SLC9A1: variants seen among roughly 807,000 people sequenced by gnomAD.
SLC9A1 encodes the protein sodium/hydrogen exchanger 1.
Under a neutral mutation model 67.9 loss-of-function variants are expected in SLC9A1, and 22 were observed. The ratio of observed to expected loss-of-function variants is 0.32; its 90% CI spans 0.23 to 0.46. The LOEUF (loss-of-function observed/expected upper bound fraction) is 0.46. Among genes scored for constraint, SLC9A1 ranks in the 20% least tolerant of loss-of-function variants. The pLI is 1.00. For synonymous variants in SLC9A1, 421 were observed against 471.8 expected, an observed-to-expected ratio of 0.89 and a Z score of 1.40; for missense variants, 686 against 1,094.8, an observed-to-expected ratio of 0.63 and a Z score of 5.27.
Position 27,102,114 on chromosome 1 carries a change from A to G in SLC9A1, c.1837T>C (p.Ser613Pro). 1 of 1,613,782 alleles carries G rather than the reference A, an allele frequency of 6.2e-7. No individual in the cohort carries two copies. The highest frequency in any genetic ancestry group is 8.5e-7 in the Non-Finnish European group (1 of 1,179,828). Residue 613 changes from serine (S) to proline (P), a missense_variant, in exon 9 of 12, where the codon TCC becomes CCC. Transcript: ENST00000263980. ...GGCAGGATGCGCTCGGAAGGCAGGGACTTGGGGTGGATGTTCCTGGGGCAA... is the reference window on the plus strand; with the variant it reads ...GGCAGGATGCGCTCGGAAGGCAGGGGCTTGGGGTGGATGTTCCTGGGGCAA... Reference protein sequence around the residue: ...TVSMQNIHPKSLPSERILPAL... With the variant: ...TVSMQNIHPKPLPSERILPAL...
chr1:27,128,320 G>A (rs1349162157), intron 1 of SLC9A1, among the ~76,000 whole-genome samples: 1 of 152,178 alleles, frequency 6.6e-6, no homozygotes, highest in African/African-American at 2.4e-5. Flanking sequence ...GCTGTAAGAG[G>A]AGAGAACAGA....
chr1:27,147,020 T>C (rs1299253667), intron 1 of SLC9A1, among the ~76,000 whole-genome samples: 1 of 149,620 alleles, frequency 6.7e-6, no homozygotes, highest in Non-Finnish European at 1.5e-5. Context: ...GCCTGTAATA[T>C]CAGGACTTTG....
intron 2 of SLC9A1, among the ~76,000 whole-genome samples, chr1:27,112,941 T>C (rs892542569): frequency 2.0e-5 from 3 of 149,164 alleles, no homozygotes; most frequent in African/African-American, 7.4e-5. Flanking sequence ...TTGCTTAAGG[T>C]CACACAGCAA....
intron 1 of SLC9A1, among the ~76,000 whole-genome samples, chr1:27,115,071 A>T (rs1042180632): frequency 1.3e-5 from 2 of 152,208 alleles, no homozygotes; most frequent in African/African-American, 4.8e-5. Flanking sequence ...AGAAAAGGGA[A>T]GGGACTTGCC....
intron 1 of SLC9A1, among the ~76,000 whole-genome samples, chr1:27,138,800 C>T (rs1339476398): frequency 6.6e-6 from 1 of 152,124 alleles, no homozygotes; most frequent in Non-Finnish European, 1.5e-5. Flanking sequence ...GCCACACTTT[C>T]CTTGCATTTT....
Position 27,107,605 on chromosome 1 carries a change from C to A in SLC9A1, c.1282+43G>T, listed in dbSNP as rs200625983. Reference sequence around the variant, plus strand: ...CACAGCCCACCACCCCCCACACACACCCCACACCACAACCCCCACCCCGCC... The same window carrying A: ...CACAGCCCACCACCCCCCACACACAACCCACACCACAACCCCCACCCCGCC... On this transcript the variant is annotated intron_variant, in intron 4 of 11. Coordinates refer to ENST00000263980, the MANE Select transcript of SLC9A1 (RefSeq NM_003047.5). 6.8e-5 allele frequency: 97 copies of A among 1,436,102 alleles called. No individual in the cohort carries two copies. The East Asian group carries it at 2.3e-3, about 33-fold the overall frequency. The allele number at this position is 1,436,102 out of a possible 1,614,324, so 89.0% of individuals were successfully genotyped here.
intron 1 of SLC9A1, among the ~76,000 whole-genome samples, chr1:27,141,479 T>C (rs2083452672): frequency 1.3e-5 from 2 of 152,214 alleles, no homozygotes; most frequent in Non-Finnish European, 2.9e-5. Flanking sequence ...CTTCAAGGCC[T>C]AGCTCAGTGG....
chr1:27,147,111 A>AAAAC lies in SLC9A1; in HGVS notation c.352+6868_352+6871dup, dbSNP rs147266205. ...ATATGGTGAAACCCTGTCTCTACTAAAAACAAACAAACAAACAAACAAACA... is the reference window on the plus strand; with the variant it reads ...ATATGGTGAAACCCTGTCTCTACTAAAAACAAACAAACAAACAAACAAACAAACA... On this transcript the variant is annotated intron_variant, in intron 1 of 11. Transcript: ENST00000263980. 2.3e-3 allele frequency among the ~76,000 whole-genome samples: 339 copies of AAAAC among 150,506 alleles called. 1 individual carries two copies. Among genetic ancestry groups the AAAAC allele is most frequent in the African/African-American group, 3.2e-3 (132 of 40,918 alleles).
rs2083549368 is a variant in SLC9A1 at position 27,154,053 on chromosome 1, G to C, written c.282C>G (p.Ile94Met). ...KPRKAFPVLGIDYTHVRTPFE... is the reference protein window; with the variant it reads ...KPRKAFPVLGMDYTHVRTPFE... ...AGGGGGTGCGCACGTGTGTGTAGTC[G>C]ATGCCCAGGACTGGAAAGGCCTTGC... Residue 94 changes from isoleucine (I) to methionine (M), a missense_variant, in exon 1 of 12, where the codon ATC becomes ATG. Coordinates refer to ENST00000263980, the MANE Select transcript of SLC9A1 (RefSeq NM_003047.5). 1 of 1,611,444 alleles carries C rather than the reference G, an allele frequency of 6.2e-7. No individual in the cohort carries two copies.
In SLC9A1 at chr1:27,101,934, G is replaced by A; in HGVS notation, c.1935+82C>T. On this transcript the variant is annotated intron_variant, in intron 9 of 11. Transcript: ENST00000263980. This position sits in a 1 kb window ranked among gnomAD's most constrained non-coding sequence, Gnocchi z 4.9. ...CCAGTCCTGGGGTGGGTGCCGAGGGGCACGGGCAGGGCAGGGCTGCCGTAG... is the reference window on the plus strand; with the variant it reads ...CCAGTCCTGGGGTGGGTGCCGAGGGACACGGGCAGGGCAGGGCTGCCGTAG... 7.0e-7 allele frequency: 1 copy of A among 1,420,360 alleles called. No individual in the cohort carries two copies. The allele number at this position is 1,420,360 out of a possible 1,614,324, so 88.0% of individuals were successfully genotyped here.
At chr1:27,143,175 T>C (rs2083462969) in intron 1 of SLC9A1, among the ~76,000 whole-genome samples, 1 of 151,122 alleles carries the variant, frequency 6.6e-6, no homozygotes, top group South Asian at 2.1e-4. Flanking sequence ...TCAGAAACAA[T>C]CTTAGAAACC....
chr1:27,111,336 G>C (rs962682603), intron 2 of SLC9A1, among the ~76,000 whole-genome samples: 1 of 152,192 alleles, frequency 6.6e-6, no homozygotes, highest in Non-Finnish European at 1.5e-5. Context: ...TAGAGAAACA[G>C]AGTAACACAG....
At chr1:27,129,979 T>C (rs1368740558) in intron 1 of SLC9A1, among the ~76,000 whole-genome samples, 1 of 152,212 alleles carries the variant, frequency 6.6e-6, no homozygotes, top group Non-Finnish European at 1.5e-5. Context: ...GCCCCAGTTT[T>C]CTGGACCAAA....
At position 27,106,074 on chromosome 1, in the gene SLC9A1, C is replaced by A. The variant is rs2083182496; in HGVS notation, c.1296G>T (p.Leu432=). ...LIARVLGVLG[L]TWFINKFRIV... ...TACGGAACTTGTTGATGAACCAGGT[C>A]AGGCCCAGCACCCCTGCAGGGGAAG... is the stretch of plus-strand genomic sequence containing the variant. The change falls in exon 5 of 12, where the codon CTG becomes CTT. Residue 432 remains leucine, a synonymous_variant. Coordinates refer to ENST00000263980, the MANE Select transcript of SLC9A1 (RefSeq NM_003047.5). This position sits in a 1 kb window ranked among gnomAD's most constrained non-coding sequence, Gnocchi z 4.3. 5.6e-6 allele frequency: 9 copies of A among 1,612,648 alleles called. No individual in the cohort carries two copies. The highest frequency in any genetic ancestry group is 6.8e-6 in the Non-Finnish European group (8 of 1,179,608).
In SLC9A1 at chr1:27,106,062, G is replaced by A. The variant is rs2083182397; in HGVS notation, c.1308C>T (p.Ile436=). The A allele has an allele frequency of 1.2e-6, 2 of 1,613,312 alleles. No homozygotes were observed. Among genetic ancestry groups the A allele is most frequent in the Non-Finnish European group, 1.7e-6 (2 of 1,179,938 alleles). The stretch of plus-strand genomic sequence containing the variant: ...TCAGCTTCACGATACGGAACTTGTT[G>A]ATGAACCAGGTCAGGCCCAGCACCC... ...VLGVLGLTWF[I]NKFRIVKLTP... Residue 436 remains isoleucine, a synonymous_variant, in exon 5 of 12, where the codon ATC becomes ATT. Coordinates refer to ENST00000263980, the MANE Select transcript of SLC9A1 (RefSeq NM_003047.5). The surrounding 1 kb of genome is among the most constrained non-coding windows in gnomAD (Gnocchi z 4.3).
chr1:27,123,149 T>C (rs757406781), intron 1 of SLC9A1, among the ~76,000 whole-genome samples: 8 of 152,210 alleles, frequency 5.3e-5, no homozygotes, highest in Non-Finnish European at 1.0e-4. Context: ...AATGGAAATA[T>C]ATTATATTGC....
intron 1 of SLC9A1, among the ~76,000 whole-genome samples, chr1:27,138,851 G>A (rs541673666): frequency 6.6e-6 from 1 of 152,268 alleles, no homozygotes; most frequent in South Asian, 2.1e-4. Flanking sequence ...GTTTTCAGCA[G>A]GGGAAACACC....
rs536193301 is a variant in SLC9A1, at chr1:27,130,740, A to T, written c.353-16454T>A. On this transcript the variant is annotated intron_variant, in intron 1 of 11. Coordinates refer to ENST00000263980, the MANE Select transcript of SLC9A1 (RefSeq NM_003047.5). ...AGAAATTGAGGCTCAGAGCTTAATG[A>T]ACTAGCTCAAATGACACACAGCCAG... 3.2e-4 allele frequency among the ~76,000 whole-genome samples: 49 copies of T among 152,296 alleles called. No individual in the cohort carries two copies. The South Asian group carries it at 1.0e-2, about 31-fold the overall frequency.
At chr1:27,113,168 C>A (rs1420726016) in intron 2 of SLC9A1, among the ~76,000 whole-genome samples, 1 of 152,008 alleles carries the variant, frequency 6.6e-6, no homozygotes, top group Non-Finnish European at 1.5e-5. Flanking sequence ...CATCAAAATG[C>A]AAGAGAAGGG....
Sources: gnomAD v4.1 joint callset for allele counts (sites outside exome capture counted in the v4.1 genomes callset) on GRCh38, gnomAD v4.1.1 for gene constraint, Gnocchi (gnomAD v3.1) non-coding constraint, MANE v1.5 for transcripts, NCBI Gene and HGNC (gene_info 2026-07-23, HGNC 2026-07-21) for gene names.